Variants in CCDC24 observed in about 807,000 individuals in gnomAD.
CCDC24 encodes the protein coiled-coil domain-containing protein 24.
In CCDC24, 34 loss-of-function variants were observed where a neutral mutation model predicts 31.6. That is an observed-to-expected ratio of 1.08 (90% CI 0.82 to 1.43). The LOEUF (loss-of-function observed/expected upper bound fraction) is 1.43, where lower values mean the gene tolerates loss of function less well. Ranked by LOEUF, CCDC24 falls within the 40% of genes most tolerant of loss-of-function variation. The pLI is 0.00. For missense variants in CCDC24, 426 were observed against 391.1 expected (o/e 1.09, Z -0.75); for synonymous variants, 175 against 157.3 (o/e 1.11, Z -0.84).
chr1:43,995,556 C>T lies in CCDC24; in HGVS notation c.553-45C>T, dbSNP rs550402568. The T allele has an allele frequency of 5.1e-5, 79 of 1,538,920 alleles. No homozygotes were observed. The South Asian group carries it at 8.7e-4, about 17-fold the overall frequency. On this transcript the variant is annotated intron_variant, in intron 6 of 8. Transcript: ENST00000372318. The surrounding 1 kb of genome is among the most constrained non-coding windows in gnomAD (Gnocchi z 4.3). ...CTTGGCCTCTGTATCCTGCCTTGCC[C>T]CACCCCTGCCTTGAGTCTGGGCACT...
chr1:43,995,123 G>T lies in CCDC24; in HGVS notation c.513G>T (p.Glu171Asp). 1 of 1,583,244 alleles carries T rather than the reference G, an allele frequency of 6.3e-7. No individual in the cohort carries two copies. The highest frequency in any genetic ancestry group is 2.3e-5 in the East Asian group (1 of 43,288). The change falls in exon 6 of 9, where the codon GAG (glutamate) becomes GAT (aspartate). Residue 171 changes from glutamate (E) to aspartate (D), a missense_variant. Glu to Asp is a conservative substitution (Grantham distance 45, BLOSUM62 2). Coordinates refer to ENST00000372318, the MANE Select transcript of CCDC24 (RefSeq NM_152499.4). This position sits in a 1 kb window ranked among gnomAD's most constrained non-coding sequence, Gnocchi z 4.3. Reference sequence around the variant, plus strand: ...CATGTCCCAGGGGCCTTCTGGAGGAGGAGTGTCACACCTTGGAGAGGGAGA... The same window carrying T: ...CATGTCCCAGGGGCCTTCTGGAGGATGAGTGTCACACCTTGGAGAGGGAGA... ...VARHLRGLLE[E>D]ECHTLEREIL... is the part of the protein sequence containing the mutation.
In CCDC24 at chr1:43,995,117, G is replaced by A. The variant is rs1433786617; in HGVS notation, c.507G>A (p.Leu169=). 6.3e-6 allele frequency: 10 copies of A among 1,582,858 alleles called. No individual in the cohort carries two copies. Among genetic ancestry groups the A allele is most frequent in the Non-Finnish European group, 8.6e-6 (10 of 1,165,186 alleles). The change falls in exon 6 of 9, where the codon CTG becomes CTA. Residue 169 remains leucine (L), a synonymous_variant. Transcript: ENST00000372318. The surrounding 1 kb of genome is among the most constrained non-coding windows in gnomAD (Gnocchi z 4.3). The part of the protein sequence containing the change: ...DQVARHLRGL[L]EEECHTLERE... Reference sequence around the variant, plus strand: ...CTCCCTCATGTCCCAGGGGCCTTCTGGAGGAGGAGTGTCACACCTTGGAGA... The same window carrying A: ...CTCCCTCATGTCCCAGGGGCCTTCTAGAGGAGGAGTGTCACACCTTGGAGA...
rs2085766627 is a variant in CCDC24, at chr1:43,992,605, C to T, written c.385C>T (p.Gln129Ter). Residue 129 changes from glutamine to a stop codon, truncating the protein, a stop_gained, in exon 4 of 9, where the codon CAG becomes TAG. Transcript: ENST00000372318. LOFTEE classifies it high-confidence loss of function. ...GGAGCCCAGGTGTGATTTGCCAGAA[C>T]AGGAGATATTCCAGATGAGAGGTGG... ...LEEPRCDLPE[Q>*]EIFQMRGGGP... The T allele has an allele frequency of 1.2e-6, 2 of 1,614,228 alleles. No individual in the cohort carries two copies. Among genetic ancestry groups the T allele is most frequent in the South Asian group, 1.1e-5 (1 of 91,086 alleles).
At position 43,996,179 on chromosome 1, in the gene CCDC24, G is replaced by T; in HGVS notation, c.*19G>T. On this transcript the variant is annotated 3_prime_UTR_variant, in exon 9 of 9. Coordinates refer to ENST00000372318, the MANE Select transcript of CCDC24 (RefSeq NM_152499.4). Reference sequence around the variant, plus strand: ...AGCCTGAAGGGCTGGTCACCGAGTAGGCTCTGGCTTCTGCCACAGCGCACC... The same window carrying T: ...AGCCTGAAGGGCTGGTCACCGAGTATGCTCTGGCTTCTGCCACAGCGCACC... 1.3e-6 allele frequency: 2 copies of T among 1,534,778 alleles called. No individual in the cohort carries two copies. The highest frequency in any genetic ancestry group is 1.2e-5 in the South Asian group (1 of 80,700).
In CCDC24 at chr1:43,995,923, C is replaced by A; in HGVS notation, c.702-15C>A. On this transcript the variant is annotated splice_polypyrimidine_tract_variant and intron_variant, in intron 8 of 8. Coordinates refer to ENST00000372318, the MANE Select transcript of CCDC24 (RefSeq NM_152499.4). The surrounding 1 kb of genome is among the most constrained non-coding windows in gnomAD (Gnocchi z 4.3). ...ATCAGACCACCACCCCTCACAGTTA[C>A]TCTTTCTTGTCCAGGCAGCGGCCCT... 1 of 1,613,924 alleles carries A rather than the reference C, an allele frequency of 6.2e-7. No homozygotes were observed. Among genetic ancestry groups the A allele is most frequent in the South Asian group, 1.1e-5 (1 of 91,078 alleles).
intron 3 of CCDC24, 53 bp from the exon 4 acceptor site, chr1:43,992,470 C>A: frequency 1.2e-6 from 2 of 1,613,128 alleles, no homozygotes; most frequent in Admixed American, 3.3e-5. Flanking sequence ...GTTGCCTTTT[C>A]TGTGGTTTCC....
Position 43,995,181 on chromosome 1 carries a change from C to G in CCDC24, c.552+19C>G. 7 of 1,556,534 alleles carry G rather than the reference C, an allele frequency of 4.5e-6. No homozygotes were observed. The highest frequency in any genetic ancestry group is 6.1e-6 in the Non-Finnish European group (7 of 1,151,288). On this transcript the variant is annotated intron_variant, in intron 6 of 8. Transcript: ENST00000372318. This position sits in a 1 kb window ranked among gnomAD's most constrained non-coding sequence, Gnocchi z 4.3. The stretch of plus-strand genomic sequence containing the variant: ...CCTGCAGGTGAGCCGCAGCCCTGGG[C>G]CCTCCCCCGAGCCTCACTGCTGAGC...
intron 5 of CCDC24, 21 bp downstream of exon 5, chr1:43,993,985 CATGT>C: frequency 1.2e-6 from 2 of 1,603,838 alleles, no homozygotes; most frequent in Non-Finnish European, 1.7e-6. Context: ...GGGGCACCTG[CATGT>C]GTATAGGCAG....
rs1011841743 is a variant in CCDC24 at position 43,996,075 on chromosome 1, G to A, written c.839G>A (p.Arg280His). 15 of 1,613,888 alleles carry A rather than the reference G, an allele frequency of 9.3e-6. No individual in the cohort carries two copies. The highest frequency in any genetic ancestry group is 8.0e-5 in the African/African-American group (6 of 74,940). ...LRPRGQSATH[R>H]WGRQLQCSPR... Reference sequence around the variant, plus strand: ...CCTCGAGGCCAGTCGGCTACCCACCGCTGGGGACGGCAGCTTCAGTGCAGC... The same window carrying A: ...CCTCGAGGCCAGTCGGCTACCCACCACTGGGGACGGCAGCTTCAGTGCAGC... Residue 280 changes from arginine (R) to histidine (H), a missense_variant, in exon 9 of 9, where the codon CGC (arginine) becomes CAC (histidine). Coordinates refer to ENST00000372318, the MANE Select transcript of CCDC24 (RefSeq NM_152499.4).
rs1306218114 is a variant in CCDC24 at position 43,995,294 on chromosome 1, G to T, written c.552+132G>T. 6.1e-6 allele frequency: 6 copies of T among 984,882 alleles called. No individual in the cohort carries two copies. The highest frequency in any genetic ancestry group is 9.1e-6 in the Non-Finnish European group (6 of 657,280). The allele number at this position is 984,882 out of a possible 1,614,324, so 61.0% of individuals were successfully genotyped here. A position where few individuals can be genotyped will look rare whatever the true frequency, so the allele number is the denominator to read the frequency against. On this transcript the variant is annotated intron_variant, in intron 6 of 8. Coordinates refer to ENST00000372318, the MANE Select transcript of CCDC24 (RefSeq NM_152499.4). This position sits in a 1 kb window ranked among gnomAD's most constrained non-coding sequence, Gnocchi z 4.3. ...ATGTGAGTCCTGCATCCATTTCTCA[G>T]GGGTGCATGCTTGTGTGCACCTGCA...
Position 43,992,626 on chromosome 1 carries a change from G to A in CCDC24, c.406G>A (p.Gly136Ser), listed in dbSNP as rs1325342353. ...AGAACAGGAGATATTCCAGATGAGA[G>A]GTGGTGGGCCCAGGTAAGGTGATGG... ...LPEQEIFQMR[G>S]GGPSSGHRDL... The change falls in exon 4 of 9, where the codon GGT (glycine) becomes AGT (serine). Residue 136 changes from glycine to serine, a missense_variant. Transcript: ENST00000372318. The A allele has an allele frequency of 1.9e-6, 3 of 1,614,092 alleles. No homozygotes were observed. The highest frequency in any genetic ancestry group is 2.5e-6 in the Non-Finnish European group (3 of 1,180,020).
At position 43,996,512 on chromosome 1, in the gene CCDC24, A is replaced by G. The variant is rs1450723398; in HGVS notation, c.*352A>G. On this transcript the variant is annotated 3_prime_UTR_variant, in exon 9 of 9. Transcript: ENST00000372318. Reference sequence around the variant, plus strand: ...AGACAGGAATAGAAATTTCATTAAAATCTATGGACTTTAAAATCCTAGTGG... The same window carrying G: ...AGACAGGAATAGAAATTTCATTAAAGTCTATGGACTTTAAAATCCTAGTGG... 1 of 273,768 alleles carries G rather than the reference A, an allele frequency of 3.7e-6. No homozygotes were observed. The highest frequency in any genetic ancestry group is 7.3e-5 in the East Asian group (1 of 13,634). The allele number at this position is 273,768 out of a possible 1,614,324, so 17.0% of individuals were successfully genotyped here. A position where few individuals can be genotyped will look rare whatever the true frequency, so the allele number is the denominator to read the frequency against.
In CCDC24 at chr1:43,993,876, T is replaced by G; in HGVS notation, c.420-11T>G. The G allele has an allele frequency of 6.2e-7, 1 of 1,614,002 alleles. No homozygotes were observed. The highest frequency in any genetic ancestry group is 8.5e-7 in the Non-Finnish European group (1 of 1,179,864). ...GCAACATGCGGAGAGTGATAGTGACTTCATTGCCAGCAGCGGTCACAGAGA... is the reference window on the plus strand; with the variant it reads ...GCAACATGCGGAGAGTGATAGTGACGTCATTGCCAGCAGCGGTCACAGAGA... On this transcript the variant is annotated splice_polypyrimidine_tract_variant and intron_variant, in intron 4 of 8. Coordinates refer to ENST00000372318, the MANE Select transcript of CCDC24 (RefSeq NM_152499.4).
intron 2 of CCDC24, 85 bp from the exon 3 acceptor site, chr1:43,992,127 C>G: frequency 6.6e-7 from 1 of 1,517,500 alleles, no homozygotes; most frequent in South Asian, 1.3e-5. Flanking sequence ...TCCCCTTTGA[C>G]TCCGCCCTCT....
intron 5 of CCDC24, 169 bp from the exon 6 acceptor site, chr1:43,994,937 GGC>G (rs776575403): frequency 4.2e-5 from 26 of 621,330 alleles, no homozygotes; most frequent in Non-Finnish European, 6.4e-5. Context: ...GCCTCACAGG[GGC>G]CAGACGTCTA....
At chr1:43,992,669 T>C (rs766230094) in intron 4 of CCDC24, 30 bp downstream of exon 4, 1 of 1,605,210 alleles carries the variant, frequency 6.2e-7, no homozygotes, top group South Asian at 1.1e-5. Flanking sequence ...GAGGGATCTG[T>C]CCCTGCTTGG....
In CCDC24 at chr1:43,992,265, C is replaced by G. The variant is rs370438421; in HGVS notation, c.180C>G (p.Ser60Arg). 28 of 1,614,036 alleles carry G rather than the reference C, an allele frequency of 1.7e-5. No homozygotes were observed. The highest frequency in any genetic ancestry group is 2.0e-5 in the Non-Finnish European group (24 of 1,180,032). Reference protein sequence around the residue: ...LQEARSSQAPSSRPISDPSSL... With the variant: ...LQEARSSQAPRSRPISDPSSL... The stretch of plus-strand genomic sequence containing the variant: ...AGGCTCGATCCTCTCAAGCCCCCAG[C>G]TCCCGCCCCATCTCTGACCCCTCTT... The change falls in exon 3 of 9, where the codon AGC (serine) becomes AGG (arginine). Residue 60 changes from serine (S) to arginine (R), a missense_variant. Transcript: ENST00000372318.
chr1:43,993,397 T>C (rs2085778929), intron 4 of CCDC24, among the ~76,000 whole-genome samples: 1 of 151,696 alleles, frequency 6.6e-6, no homozygotes. Flanking sequence ...TGAGCTATGA[T>C]TGCACCTGTG....
chr1:43,996,122 A>G lies in CCDC24; in HGVS notation c.886A>G (p.Thr296Ala). The G allele has an allele frequency of 6.2e-7, 1 of 1,612,288 alleles. No individual in the cohort carries two copies. The highest frequency in any genetic ancestry group is 1.1e-5 in the South Asian group (1 of 90,754). Residue 296 changes from threonine to alanine, a missense_variant, in exon 9 of 9, where the codon ACA (threonine) becomes GCA (alanine). Physicochemically the swap from Thr to Ala is moderately conservative, Grantham distance 58. Transcript: ENST00000372318. The part of the protein sequence containing the change: ...QCSPREGPAS[T>A]PMSSAAPQAP... ...CAGCCCCAGGGAAGGGCCAGCTTCCACACCCATGTCCAGTGCAGCACCCCA... is the reference window on the plus strand; with the variant it reads ...CAGCCCCAGGGAAGGGCCAGCTTCCGCACCCATGTCCAGTGCAGCACCCCA...
Sources: allele counts gnomAD v4.1 joint callset (sites outside exome capture counted in the v4.1 genomes callset), GRCh38; gene constraint gnomAD v4.1.1; non-coding constraint Gnocchi (gnomAD v3.1); transcripts MANE v1.5; gene names NCBI Gene and HGNC (gene_info 2026-07-23, HGNC 2026-07-21).